The following ARMC9 variants were observed in gnomAD, a reference collection of about 807,000 sequenced individuals.
The protein encoded by ARMC9 is armadillo repeat containing 9, also known as lisH domain-containing protein ARMC9.
ARMC9 carries 94 observed loss-of-function variants against 107.0 expected under a neutral mutation model. The ratio of observed to expected loss-of-function variants is 0.88; its 90% CI spans 0.74 to 1.04. The LOEUF (loss-of-function observed/expected upper bound fraction) is 1.04, where lower values mean the gene tolerates loss of function less well. Among genes scored for constraint, ARMC9 ranks in the 50% least tolerant of loss-of-function variants. The pLI is 0.00. For synonymous variants in ARMC9, 380 were observed against 396.9 expected, an observed-to-expected ratio of 0.96 and a Z score of 0.51; for missense variants, 942 against 1,030.1, an observed-to-expected ratio of 0.91 and a Z score of 1.17.
intron 23 of ARMC9, among the ~76,000 whole-genome samples, chr2:231,367,742 G>A (rs954574964): frequency 2.0e-5 from 3 of 152,062 alleles, no homozygotes; most frequent in African/African-American, 7.2e-5. Context: ...CAGCACTTTG[G>A]GAAGCAGAGG....
intron 19 of ARMC9, among the ~76,000 whole-genome samples, chr2:231,323,582 T>G (rs1320761082): frequency 6.6e-6 from 1 of 152,186 alleles, no homozygotes; most frequent in Non-Finnish European, 1.5e-5. Context: ...CTCCGTTCCC[T>G]TTTCGCCGGT....
At chr2:231,356,261 G>C (rs1317048066) in intron 22 of ARMC9, among the ~76,000 whole-genome samples, 2 of 152,158 alleles carry the variant, frequency 1.3e-5, no homozygotes, top group Non-Finnish European at 2.9e-5. Flanking sequence ...CCCTGATTCT[G>C]ATAGCTCAGA....
chr2:231,321,897 G>A (rs956681702), intron 19 of ARMC9, among the ~76,000 whole-genome samples: 1 of 152,094 alleles, frequency 6.6e-6, no homozygotes, highest in Admixed American at 6.5e-5. Flanking sequence ...TAAATATTGC[G>A]ATAAGCCCTG....
Position 231,291,427 on chromosome 2 carries a change from C to G in ARMC9, c.1701C>G (p.Ile567Met), listed in dbSNP as rs937042033. 9 of 1,613,310 alleles carry G rather than the reference C, an allele frequency of 5.6e-6. No individual in the cohort carries two copies. Among genetic ancestry groups the G allele is most frequent in the Non-Finnish European group, 7.6e-6 (9 of 1,179,672 alleles). The change falls in exon 18 of 25, where the codon ATC (isoleucine) becomes ATG (methionine). Residue 567 changes from isoleucine (I) to methionine (M), a missense_variant. Coordinates refer to ENST00000611582, the MANE Select transcript of ARMC9 (RefSeq NM_001352754.2). ...AEMIRQIEFI[I>M]KQLNSEELPD... ...TGATCCGCCAGATAGAATTCATCAT[C>G]AAGCAGCTAAATTCCGGTCAGTTTG... is the stretch of plus-strand genomic sequence containing the variant.
At chr2:231,347,808 T>C (rs2044875083) in intron 21 of ARMC9, among the ~76,000 whole-genome samples, 1 of 152,244 alleles carries the variant, frequency 6.6e-6, no homozygotes, top group South Asian at 2.1e-4. Context: ...CATATCTAAA[T>C]ATTGCATAGA....
intron 19 of ARMC9, among the ~76,000 whole-genome samples, chr2:231,319,762 A>G (rs2042898697): frequency 6.6e-6 from 1 of 152,178 alleles, no homozygotes; most frequent in Admixed American, 6.5e-5. Context: ...CTTGTCCTGC[A>G]TGTGGCCACC....
intron 3 of ARMC9, 121 bp downstream of exon 3, chr2:231,208,373 T>C (rs911939978): frequency 4.0e-6 from 3 of 746,326 alleles, no homozygotes; most frequent in Admixed American, 2.7e-5. Flanking sequence ...TTACTTTAGA[T>C]GGCACAAGTG....
chr2:231,311,475 T>C (rs2042342395), intron 19 of ARMC9, among the ~76,000 whole-genome samples: 1 of 152,138 alleles, frequency 6.6e-6, no homozygotes, highest in Non-Finnish European at 1.5e-5. Flanking sequence ...TATAGAACAC[T>C]GTGCAGGGGT....
At chr2:231,225,339 GAGCTATATACCCT>G (rs1372097657) in intron 6 of ARMC9, among the ~76,000 whole-genome samples, 1 of 152,042 alleles carries the variant, frequency 6.6e-6, no homozygotes, top group Admixed American at 6.6e-5. Context: ...GTACACCCAA[GAGCTATATACCCT>G]AGCTATATAC....
chr2:231,262,536 T>A, intron 12 of ARMC9, 138 bp downstream of exon 12: 1 of 819,530 alleles, frequency 1.2e-6, no homozygotes, highest in Non-Finnish European at 2.0e-6. Context: ...CATGAGGTTC[T>A]GGGCATTGGC....
chr2:231,255,513 A>G lies in ARMC9; in HGVS notation c.880-1073A>G, dbSNP rs919722709. Among the ~76,000 whole-genome samples the G allele has an allele frequency of 6.6e-6, 1 of 152,168 alleles. No individual in the cohort carries two copies. The highest frequency in any genetic ancestry group is 1.5e-5 in the Non-Finnish European group (1 of 68,036). Reference sequence around the variant, plus strand: ...GGTCAGGGAGAACCCATCGTTTTCCATAGAGGATTTTTTTTTGTTTGGTTG... The same window carrying G: ...GGTCAGGGAGAACCCATCGTTTTCCGTAGAGGATTTTTTTTTGTTTGGTTG... On this transcript the variant is annotated intron_variant, in intron 9 of 24. Coordinates refer to ENST00000611582, the MANE Select transcript of ARMC9 (RefSeq NM_001352754.2). The surrounding 1 kb of genome is among the most constrained non-coding windows in gnomAD (Gnocchi z 4.7).
intron 7 of ARMC9, among the ~76,000 whole-genome samples, chr2:231,232,129 G>A (rs1316845653): frequency 6.8e-6 from 1 of 147,518 alleles, no homozygotes; most frequent in Non-Finnish European, 1.5e-5. Flanking sequence ...TGGTTCAAGC[G>A]ATTCTGCTGC....
At chr2:231,308,218 C>T (rs1186589891) in intron 19 of ARMC9, among the ~76,000 whole-genome samples, 3 of 152,254 alleles carry the variant, frequency 2.0e-5, no homozygotes, top group East Asian at 1.9e-4. Context: ...CTTCCGTGTG[C>T]AGGCATGGGC....
intron 4 of ARMC9, 185 bp downstream of exon 4, chr2:231,215,186 C>T (rs2033364060): frequency 5.1e-6 from 3 of 587,366 alleles, no homozygotes; most frequent in Non-Finnish European, 8.2e-6. Context: ...ATTCTAATTT[C>T]TATGGAGATT....
intron 21 of ARMC9, among the ~76,000 whole-genome samples, chr2:231,346,165 A>G (rs1314440125): frequency 6.6e-6 from 1 of 152,256 alleles, no homozygotes; most frequent in Admixed American, 6.5e-5. Context: ...AAACTAGTAC[A>G]TGCCCTTTTC....
At chr2:231,357,245 C>T (rs1194260530) in intron 22 of ARMC9, among the ~76,000 whole-genome samples, 3 of 152,230 alleles carry the variant, frequency 2.0e-5, no homozygotes, top group Admixed American at 6.5e-5. Flanking sequence ...TTGGTGGTCA[C>T]GGGCGGTTGC....
chr2:231,217,273 G>C (rs931474548), intron 5 of ARMC9, among the ~76,000 whole-genome samples: 1 of 152,210 alleles, frequency 6.6e-6, no homozygotes, highest in Non-Finnish European at 1.5e-5. Context: ...AGGCATATGT[G>C]TACCAGTGTT....
chr2:231,242,612 C>CG (rs527344340), intron 9 of ARMC9, among the ~76,000 whole-genome samples: 80 of 152,226 alleles, frequency 5.3e-4, no homozygotes, highest in African/African-American at 1.8e-3. Context: ...GTGTGCTTAC[C>CG]AAAACTGTGG....
At chr2:231,224,872 A>C (rs1029581497) in intron 6 of ARMC9, among the ~76,000 whole-genome samples, 8 of 152,230 alleles carry the variant, frequency 5.3e-5, no homozygotes, top group African/African-American at 1.9e-4. Context: ...TTACAGGTAG[A>C]GGGAACAGCC....
Sources: gnomAD v4.1 joint callset for allele counts (sites outside exome capture counted in the v4.1 genomes callset) on GRCh38, gnomAD v4.1.1 for gene constraint, Gnocchi (gnomAD v3.1) non-coding constraint, MANE v1.5 for transcripts, NCBI Gene and HGNC (gene_info 2026-07-23, HGNC 2026-07-21) for gene names.